NEK10: variants seen among roughly 807,000 people sequenced by gnomAD.
NEK10 encodes serine/threonine-protein kinase Nek10.
Under a neutral mutation model 159.8 loss-of-function variants are expected in NEK10, and 122 were observed. That is an observed-to-expected ratio of 0.76 (90% CI 0.66 to 0.89). The LOEUF is 0.89. Ranked by LOEUF, NEK10 falls within the 40% of genes least tolerant of loss-of-function variation. The pLI is 0.00. For missense variants in NEK10, 1,342 were observed against 1,323.1 expected (o/e 1.01, Z -0.22); for synonymous variants, 466 against 457.1 (o/e 1.02, Z -0.25).
intron 15 of NEK10, 36 bp from the exon 16 acceptor site, chr3:27,293,688 A>G: frequency 8.9e-7 from 1 of 1,118,198 alleles, no homozygotes; most frequent in South Asian, 1.4e-5. Context: ...CTCAAATGGT[A>G]GCTCAACAAA....
intron 25 of NEK10, among the ~76,000 whole-genome samples, chr3:27,199,554 T>TC: frequency 6.6e-6 from 1 of 152,256 alleles, no homozygotes; most frequent in African/African-American, 2.4e-5. Flanking sequence ...GTGTAGTGAT[T>TC]CCCCAAAGAC....
chr3:27,323,755 T>C (rs1002156607), intron 5 of NEK10, among the ~76,000 whole-genome samples: 2 of 152,220 alleles, frequency 1.3e-5, no homozygotes, highest in Admixed American at 1.3e-4. Context: ...TTTGAGAGGC[T>C]TTCAAAAAGT....
Position 27,109,378 on chromosome 3 carries a change from T to TAAAA in NEK10, c.*1890_*1893dup, listed in dbSNP as rs369638958. ...TGGGCAACAGAGTGAGACTCTGTCT[T>TAAAA]AAAAAAAAAAAAAAAAAAAAAGAGT... On this transcript the variant is annotated 3_prime_UTR_variant, in exon 36 of 36. Transcript: ENST00000691995. 8.5e-6 allele frequency among the ~76,000 whole-genome samples: 1 copy of TAAAA among 117,264 alleles called. No individual in the cohort carries two copies. 76.9% of individuals were successfully genotyped at this position (117,264 alleles called of 152,430 possible). A position where few individuals can be genotyped will look rare whatever the true frequency, so the allele number is the denominator to read the frequency against.
intron 5 of NEK10, among the ~76,000 whole-genome samples, chr3:27,334,954 A>C (rs2046692110): frequency 6.6e-6 from 1 of 152,236 alleles, no homozygotes; most frequent in Admixed American, 6.5e-5. Flanking sequence ...GTTCAGTGAG[A>C]TATAAGAAAA....
intron 3 of NEK10, among the ~76,000 whole-genome samples, chr3:27,350,236 C>T (rs1310382949): frequency 6.6e-6 from 1 of 152,116 alleles, no homozygotes; most frequent in African/African-American, 2.4e-5. Context: ...TTTTGTTGAG[C>T]ATTTCTGCTT....
chr3:27,316,484 G>A (rs139298265), intron 6 of NEK10, among the ~76,000 whole-genome samples: 15 of 152,032 alleles, frequency 9.9e-5, no homozygotes, highest in African/African-American at 2.2e-4. Flanking sequence ...CTGCAGTGCC[G>A]CAGGCCCAGG....
At chr3:27,236,968 T>A (rs1019975214) in intron 23 of NEK10, among the ~76,000 whole-genome samples, 1 of 152,100 alleles carries the variant, frequency 6.6e-6, no homozygotes, top group Admixed American at 6.5e-5. Context: ...TCTGTCCTTA[T>A]CTCAACCGCA....
At chr3:27,211,541 G>T (rs1575271707) in intron 23 of NEK10, among the ~76,000 whole-genome samples, 1 of 152,096 alleles carries the variant, frequency 6.6e-6, no homozygotes, top group Non-Finnish European at 1.5e-5. Flanking sequence ...GGTGTCAGTT[G>T]TCCTTTCCAT....
At chr3:27,233,722 C>T (rs1348723155) in intron 23 of NEK10, among the ~76,000 whole-genome samples, 1 of 152,100 alleles carries the variant, frequency 6.6e-6, no homozygotes, top group Non-Finnish European at 1.5e-5. Flanking sequence ...CCTACTGAAA[C>T]TATTCCAAAA....
intron 23 of NEK10, among the ~76,000 whole-genome samples, chr3:27,222,461 A>G (rs1230199065): frequency 6.6e-6 from 1 of 152,242 alleles, no homozygotes; most frequent in African/African-American, 2.4e-5. Context: ...ATAAATGGGT[A>G]TTTGTTACAC....
At chr3:27,247,820 C>CTTTTTTTTTTTTTTTTT (rs111440414) in intron 23 of NEK10, among the ~76,000 whole-genome samples, 2 of 125,920 alleles carry the variant, frequency 1.6e-5, no homozygotes, top group East Asian at 2.3e-4. Context: ...CTTTTCTTTT[C>CTTTTTTTTTTTTTTTTT]TTTTTTTTTT....
Position 27,111,287 on chromosome 3 carries a change from G to T in NEK10, c.3333C>A (p.His1111Gln). The T allele has an allele frequency of 1.2e-6, 2 of 1,609,110 alleles. No individual in the cohort carries two copies. The highest frequency in any genetic ancestry group is 2.7e-5 in the African/African-American group (2 of 74,716). ...TGCAGCATTTTCATCTTTTGGTTGG[G>T]TGATTCTTGGTCCCCCATGGATAGG... ...YHSYPWGTKNHPTKR is the reference protein window; with the variant it reads ...YHSYPWGTKNQPTKR Residue 1111 changes from histidine (H) to glutamine (Q), a missense_variant, in exon 36 of 36, where the codon CAC becomes CAA. Transcript: ENST00000691995.
intron 18 of NEK10, 31 bp downstream of exon 18, chr3:27,291,231 T>A (rs773255163): frequency 1.2e-6 from 2 of 1,600,946 alleles, no homozygotes; most frequent in Non-Finnish European, 1.7e-6. Flanking sequence ...TGGTTGGGAG[T>A]ATCAGAAATG....
chr3:27,337,045 G>T (rs2046854518), intron 5 of NEK10, among the ~76,000 whole-genome samples: 1 of 151,940 alleles, frequency 6.6e-6, no homozygotes, highest in Non-Finnish European at 1.5e-5. Flanking sequence ...GGGAAAGGAA[G>T]ATGTACCTCT....
At chr3:27,275,106 T>G (rs1238913135) in intron 22 of NEK10, among the ~76,000 whole-genome samples, 1 of 152,206 alleles carries the variant, frequency 6.6e-6, no homozygotes, top group Non-Finnish European at 1.5e-5. Context: ...AAAAATTTGG[T>G]GTCTCCTTCT....
At chr3:27,328,103 A>C (rs2046140458) in intron 5 of NEK10, among the ~76,000 whole-genome samples, 1 of 152,170 alleles carries the variant, frequency 6.6e-6, no homozygotes, top group South Asian at 2.1e-4. Context: ...CAAATGGATC[A>C]TGTTGGCCCC....
At chr3:27,306,950 A>G (rs2044292051) in intron 11 of NEK10, among the ~76,000 whole-genome samples, 1 of 152,070 alleles carries the variant, frequency 6.6e-6, no homozygotes, top group South Asian at 2.1e-4. Context: ...CTGCCTAGAT[A>G]TCTTCTCTTT....
At chr3:27,272,084 T>C (rs1291085735) in intron 22 of NEK10, among the ~76,000 whole-genome samples, 1 of 152,186 alleles carries the variant, frequency 6.6e-6, no homozygotes, top group African/African-American at 2.4e-5. Flanking sequence ...AGCATGACAA[T>C]AGGTGAAAAG....
At chr3:27,344,121 T>G in intron 5 of NEK10, 151 bp downstream of exon 5, 66 of 478,334 alleles carry the variant, frequency 1.4e-4, no homozygotes, top group East Asian at 3.0e-4. Flanking sequence ...GTGATTTTAA[T>G]GAGATCATCT....
Sources: allele counts gnomAD v4.1 joint callset (sites outside exome capture counted in the v4.1 genomes callset), GRCh38; gene constraint gnomAD v4.1.1; transcripts MANE v1.5; gene names NCBI Gene and HGNC (gene_info 2026-07-23, HGNC 2026-07-21).